The following LMBRD2 variants were observed in gnomAD, a reference collection of about 807,000 sequenced individuals.
The protein encoded by LMBRD2 is LMBR1 domain containing 2.
Under a neutral mutation model 94.4 loss-of-function variants are expected in LMBRD2, and 55 were observed. That is an observed-to-expected ratio of 0.58 (90% CI 0.47 to 0.73). The LOEUF is 0.73. LMBRD2 is among the 30% of genes least tolerant of loss of function. The pLI, the probability that LMBRD2 is intolerant of heterozygous loss-of-function variation, is 0.00. For missense variants in LMBRD2, 640 were observed against 831.9 expected, an observed-to-expected ratio of 0.77 and a Z score of 2.84; for synonymous variants, 246 against 272.4, an observed-to-expected ratio of 0.90 and a Z score of 0.95.
intron 6 of LMBRD2, among the ~76,000 whole-genome samples, chr5:36,126,287 T>C (rs1744005960): frequency 6.6e-6 from 1 of 152,202 alleles, no homozygotes; most frequent in Non-Finnish European, 1.5e-5. Flanking sequence ...AAATACCATG[T>C]TTTTTTCTTT....
chr5:36,130,266 A>T (rs1348518390), intron 6 of LMBRD2, among the ~76,000 whole-genome samples: 1 of 152,190 alleles, frequency 6.6e-6, no homozygotes, highest in Non-Finnish European at 1.5e-5. Context: ...AAATAGAAAT[A>T]ACAAAAAGTT....
intron 7 of LMBRD2, among the ~76,000 whole-genome samples, chr5:36,123,200 G>A (rs896611384): frequency 1.3e-5 from 2 of 152,006 alleles, no homozygotes; most frequent in Non-Finnish European, 2.9e-5. Flanking sequence ...ATACCAGATA[G>A]GTATAGATGG....
At chr5:36,148,041 C>T (rs1159742020) in intron 1 of LMBRD2, 4 of 183,902 alleles carry the variant, frequency 2.2e-5, no homozygotes, top group African/African-American at 9.7e-5. Flanking sequence ...TAATAAAAAC[C>T]AGGAGACAAC....
intron 1 of LMBRD2, among the ~76,000 whole-genome samples, chr5:36,146,900 CCTCA>C (rs751427702): frequency 1.3e-4 from 20 of 151,670 alleles, no homozygotes; most frequent in African/African-American, 3.9e-4. Flanking sequence ...ATATCTATCT[CCTCA>C]CTCACTTCTC....
At chr5:36,105,019 T>C in intron 17 of LMBRD2, 49 bp downstream of exon 17, 1 of 1,574,056 alleles carries the variant, frequency 6.4e-7, no homozygotes, top group Non-Finnish European at 8.7e-7. Flanking sequence ...AATGTGTTAT[T>C]AAAAGTGTAG....
rs1205055910 is a variant in LMBRD2, at chr5:36,103,994, ACT to A, written c.*50_*51del. The A allele has an allele frequency of 7.0e-6, 9 of 1,287,988 alleles. No homozygotes were observed. The highest frequency in any genetic ancestry group is 2.9e-5 in the African/African-American group (2 of 67,904). 79.8% of individuals were successfully genotyped at this position (1,287,988 alleles called of 1,614,324 possible). On this transcript the variant is annotated 3_prime_UTR_variant, in exon 18 of 18. Transcript: ENST00000296603. ...CTAGGGTACACAGATGTTCATCAAG[ACT>A]GAACTGATGTGTTGACCTTGGTTAG...
chr5:36,144,446 G>A (rs1318149804), intron 1 of LMBRD2, among the ~76,000 whole-genome samples: 1 of 152,146 alleles, frequency 6.6e-6, no homozygotes, highest in Non-Finnish European at 1.5e-5. Flanking sequence ...ACTTCGGGAG[G>A]CTAAGGCAGG....
intron 6 of LMBRD2, among the ~76,000 whole-genome samples, chr5:36,125,038 G>A (rs572863875): frequency 2.0e-5 from 3 of 152,146 alleles, no homozygotes; most frequent in Non-Finnish European, 2.9e-5. Context: ...TAAGGCCCCC[G>A]TAATCCATAC....
At chr5:36,135,045 T>C (rs1369357570) in intron 6 of LMBRD2, among the ~76,000 whole-genome samples, 2 of 152,190 alleles carry the variant, frequency 1.3e-5, no homozygotes, top group African/African-American at 4.8e-5. Context: ...ATTCATTTAT[T>C]TACTGGCTAT....
chr5:36,137,901 C>T (rs1049015130), intron 4 of LMBRD2, among the ~76,000 whole-genome samples: 5 of 152,052 alleles, frequency 3.3e-5, no homozygotes, highest in South Asian at 4.1e-4. Flanking sequence ...TTCAGGAGAG[C>T]GGACTAAAAA....
intron 1 of LMBRD2, among the ~76,000 whole-genome samples, chr5:36,146,921 CGT>C (rs745950793): frequency 9.9e-4 from 74 of 75,030 alleles, no homozygotes; most frequent in East Asian, 3.1e-3. Context: ...TCTCTCTCTG[CGT>C]GTGTGTGTGT....
chr5:36,124,725 T>C (rs1743970227), intron 6 of LMBRD2, among the ~76,000 whole-genome samples: 1 of 152,140 alleles, frequency 6.6e-6, no homozygotes, highest in South Asian at 2.1e-4. Flanking sequence ...GCAGTCATGA[T>C]TGATTAACTC....
chr5:36,111,111 C>T, intron 14 of LMBRD2, 44 bp downstream of exon 14: 2 of 1,112,846 alleles, frequency 1.8e-6, no homozygotes, highest in African/African-American at 3.1e-5. Flanking sequence ...TGAGTCTTAG[C>T]ACTTAGTATT....
At chr5:36,114,234 T>C (rs10073175) in intron 13 of LMBRD2, among the ~76,000 whole-genome samples, 190 bp downstream of exon 13, 218 of 152,234 alleles carry the variant, frequency 1.4e-3, no homozygotes, top group African/African-American at 5.2e-3. Flanking sequence ...ACTCTACCTC[T>C]TTTTTCTTTA....
At position 36,117,933 on chromosome 5, in the gene LMBRD2, A is replaced by G. The variant is rs775737213; in HGVS notation, c.1121-17T>C. Reference sequence around the variant, plus strand: ...AGTACCATTCTAGAAGACAAAAGAAAAAAATGATTAGGAAAACTACAAAAG... The same window carrying G: ...AGTACCATTCTAGAAGACAAAAGAAGAAAATGATTAGGAAAACTACAAAAG... On this transcript the variant is annotated splice_polypyrimidine_tract_variant and intron_variant, in intron 9 of 17. Coordinates refer to ENST00000296603, the MANE Select transcript of LMBRD2 (RefSeq NM_001007527.2). 1.1e-5 allele frequency: 17 copies of G among 1,566,598 alleles called. No homozygotes were observed. Among genetic ancestry groups the G allele is most frequent in the Admixed American group, 2.0e-5 (1 of 51,042 alleles).
At position 36,103,984 on chromosome 5, in the gene LMBRD2, G is replaced by A; in HGVS notation, c.*62C>T. 3.4e-6 allele frequency: 4 copies of A among 1,188,674 alleles called. No individual in the cohort carries two copies. The Admixed American group carries it at 5.2e-5, about 16-fold the overall frequency. The allele number at this position is 1,188,674 out of a possible 1,614,324, so 73.6% of individuals were successfully genotyped here. ...AGAGGAAATTCTAGGGTACACAGAT[G>A]TTCATCAAGACTGAACTGATGTGTT... On this transcript the variant is annotated 3_prime_UTR_variant, in exon 18 of 18. Transcript: ENST00000296603.
chr5:36,117,712 T>C (rs1743790695), intron 10 of LMBRD2, 23 bp downstream of exon 10: 1 of 1,507,760 alleles, frequency 6.6e-7, no homozygotes, highest in Non-Finnish European at 9.1e-7. Flanking sequence ...CATCTATTTA[T>C]GACAGACATA....
chr5:36,137,018 A>G (rs192791595), intron 5 of LMBRD2, among the ~76,000 whole-genome samples: 2 of 152,302 alleles, frequency 1.3e-5, no homozygotes, highest in Non-Finnish European at 2.9e-5. Context: ...TCCAAAAATC[A>G]TAAGGGTTAT....
rs1054102991 is a variant in LMBRD2 at position 36,140,973 on chromosome 5, A to G, written c.368+134T>C. 1.0e-5 allele frequency: 6 copies of G among 571,478 alleles called. No homozygotes were observed. In the African/African-American group the frequency reaches 1.1e-4, roughly 11 times the overall value. The allele number at this position is 571,478 out of a possible 1,614,324, so 35.4% of individuals were successfully genotyped here. A position where few individuals can be genotyped will look rare whatever the true frequency, so the allele number is the denominator to read the frequency against. On this transcript the variant is annotated intron_variant, in intron 4 of 17. Coordinates refer to ENST00000296603, the MANE Select transcript of LMBRD2 (RefSeq NM_001007527.2). ...GATAACTATGAGTTTGGAGCACAGC[A>G]GAAAGATAAAAATAATGGGTAGAAA...
Sources: gnomAD v4.1 joint callset for allele counts (sites outside exome capture counted in the v4.1 genomes callset) on GRCh38, gnomAD v4.1.1 for gene constraint, MANE v1.5 for transcripts, NCBI Gene and HGNC (gene_info 2026-07-23, HGNC 2026-07-21) for gene names.